Variants in GRIK4 observed in about 807,000 individuals in gnomAD.
GRIK4 encodes glutamate ionotropic receptor kainate type subunit 4, also known as glutamate receptor ionotropic, kainate 4.
A neutral mutation model predicts 104.9 loss-of-function variants in GRIK4; 40 were observed. The observed-to-expected ratio is 0.38, with a 90% CI of 0.30 to 0.50. The LOEUF (loss-of-function observed/expected upper bound fraction) is 0.50, where lower values mean the gene tolerates loss of function less well. Ranked by LOEUF, GRIK4 falls within the 20% of genes least tolerant of loss-of-function variation. GRIK4 has a pLI of 0.93. For synonymous variants in GRIK4, 485 were observed against 524.9 expected, an observed-to-expected ratio of 0.92 and a Z score of 1.04; for missense variants, 1,047 against 1,308.1, an observed-to-expected ratio of 0.80 and a Z score of 3.08.
chr11:120,965,486 G>T (rs1944368646), intron 18 of GRIK4, among the ~76,000 whole-genome samples: 1 of 152,164 alleles, frequency 6.6e-6, no homozygotes. Context: ...AGTGCTGCAG[G>T]CTTGGGGTTC....
chr11:120,740,942 A>G (rs1951317324), intron 3 of GRIK4, among the ~76,000 whole-genome samples: 1 of 152,072 alleles, frequency 6.6e-6, no homozygotes, highest in African/African-American at 2.4e-5. Context: ...TGAGTGTCCA[A>G]CCCTACCTCA....
chr11:120,575,571 G>A (rs1948472058), intron 1 of GRIK4, among the ~76,000 whole-genome samples: 1 of 152,050 alleles, frequency 6.6e-6, no homozygotes, highest in Admixed American at 6.6e-5. Context: ...GTGGGTGTGG[G>A]TTTGGGGTGT....
At chr11:120,865,675 G>A (rs1352883704) in intron 9 of GRIK4, among the ~76,000 whole-genome samples, 1 of 152,152 alleles carries the variant, frequency 6.6e-6, no homozygotes, top group Non-Finnish European at 1.5e-5. Flanking sequence ...CTCAGTGTTA[G>A]GGAGTGAGGA....
At chr11:120,716,782 A>G (rs141937454) in intron 3 of GRIK4, among the ~76,000 whole-genome samples, 6 of 152,238 alleles carry the variant, frequency 3.9e-5, no homozygotes, top group South Asian at 4.1e-4. Context: ...CTCTCCCTGA[A>G]GTTTCCAGGA....
intron 13 of GRIK4, among the ~76,000 whole-genome samples, chr11:120,937,597 A>G (rs955053310): frequency 4.6e-5 from 7 of 152,168 alleles, no homozygotes; most frequent in Non-Finnish European, 1.0e-4. Context: ...AAGGAAAGAA[A>G]GACTGGGACT....
At chr11:120,739,368 C>T (rs1257202804) in intron 3 of GRIK4, among the ~76,000 whole-genome samples, 1 of 152,156 alleles carries the variant, frequency 6.6e-6, no homozygotes. Flanking sequence ...ATGGGCTCTG[C>T]CTGCTTTGCT....
At position 120,982,124 on chromosome 11, in the gene GRIK4, TTGG is replaced by T. The variant is rs1485786894; in HGVS notation, c.2418_2420del (p.Gly807del). 1 of 1,609,184 alleles carries T rather than the reference TTGG, an allele frequency of 6.2e-7. No individual in the cohort carries two copies. The highest frequency in any genetic ancestry group is 8.5e-7 in the Non-Finnish European group (1 of 1,175,454). On this transcript the variant is annotated inframe_deletion, in exon 20 of 21. Coordinates refer to ENST00000527524, the MANE Select transcript of GRIK4 (RefSeq NM_014619.5). ...CTTACAGGCCTGGGAATGGAGAATATTGGTGGAATCTTTGTGGTTCTTATTTGT... is the reference window on the plus strand; with the variant it reads ...CTTACAGGCCTGGGAATGGAGAATATTGGAATCTTTGTGGTTCTTATTTGT...
intron 3 of GRIK4, among the ~76,000 whole-genome samples, chr11:120,693,569 A>C (rs1398644514): frequency 6.6e-5 from 10 of 152,220 alleles, no homozygotes; most frequent in Non-Finnish European, 1.5e-5. Context: ...TATGTGTCAG[A>C]TACTGGGAAA....
intron 13 of GRIK4, among the ~76,000 whole-genome samples, chr11:120,912,072 C>G (rs1338362569): frequency 6.6e-6 from 1 of 151,976 alleles, no homozygotes; most frequent in African/African-American, 2.4e-5. Flanking sequence ...TGTTGTGTAA[C>G]CCATTAAAAA....
intron 1 of GRIK4, among the ~76,000 whole-genome samples, chr11:120,580,638 A>C (rs1948569043): frequency 6.6e-6 from 1 of 151,720 alleles, no homozygotes; most frequent in African/African-American, 2.4e-5. Context: ...GTACAATCAT[A>C]GTTCCCTGCA....
chr11:120,913,149 C>A (rs984973505), intron 13 of GRIK4, among the ~76,000 whole-genome samples: 1 of 152,166 alleles, frequency 6.6e-6, no homozygotes. Context: ...CAAAATGAAC[C>A]ACTGCCAGTT....
At chr11:120,942,221 T>C (rs766097306) in intron 14 of GRIK4, among the ~76,000 whole-genome samples, 2 of 152,122 alleles carry the variant, frequency 1.3e-5, no homozygotes, top group African/African-American at 2.4e-5. Context: ...GAAACTGAAG[T>C]CATGCTTGGA....
chr11:120,674,744 A>AT (rs1421258791), intron 3 of GRIK4, among the ~76,000 whole-genome samples: 1 of 152,220 alleles, frequency 6.6e-6, no homozygotes, highest in East Asian at 1.9e-4. Flanking sequence ...AAGAACAGGG[A>AT]TTTTCCCAGC....
At chr11:120,960,797 T>C in intron 16 of GRIK4, 112 bp from the exon 17 acceptor site, 1 of 768,632 alleles carries the variant, frequency 1.3e-6, no homozygotes. Context: ...CTGAAAGCTC[T>C]TTCATAAGAA....
At chr11:120,840,352 C>T (rs974931943) in intron 8 of GRIK4, among the ~76,000 whole-genome samples, 5 of 152,114 alleles carry the variant, frequency 3.3e-5, no homozygotes, top group African/African-American at 4.8e-5. Context: ...TCTGGGTGGT[C>T]GGAACTGATG....
intron 3 of GRIK4, among the ~76,000 whole-genome samples, chr11:120,721,039 C>G (rs1327465935): frequency 3.3e-5 from 5 of 152,122 alleles, no homozygotes; most frequent in Non-Finnish European, 7.3e-5. Context: ...AGTAACTGAG[C>G]AGCACCAGTC....
chr11:120,566,689 T>C (rs1948328339), intron 1 of GRIK4, among the ~76,000 whole-genome samples: 1 of 151,612 alleles, frequency 6.6e-6, no homozygotes, highest in African/African-American at 2.4e-5. Context: ...AGATTTTTTT[T>C]CTTGTTTATA....
At chr11:120,748,752 G>A (rs763958947) in intron 3 of GRIK4, among the ~76,000 whole-genome samples, 16 of 152,108 alleles carry the variant, frequency 1.1e-4, no homozygotes, top group African/African-American at 3.1e-4. Context: ...TTTGCTCTTT[G>A]CATGAAAAAG....
At chr11:120,929,210 A>G (rs1943427577) in intron 13 of GRIK4, among the ~76,000 whole-genome samples, 1 of 152,178 alleles carries the variant, frequency 6.6e-6, no homozygotes, top group Non-Finnish European at 1.5e-5. Context: ...TGTGACCCCT[A>G]AGAGTTTCTC....
Sources: gnomAD v4.1 joint callset for allele counts (sites outside exome capture counted in the v4.1 genomes callset) on GRCh38, gnomAD v4.1.1 for gene constraint, MANE v1.5 for transcripts, NCBI Gene and HGNC (gene_info 2026-07-23, HGNC 2026-07-21) for gene names.